The following CAST variants were observed in gnomAD, a reference collection of about 807,000 sequenced individuals.
The protein encoded by CAST is MIR583 host.
In CAST, 76 loss-of-function variants were observed where a neutral mutation model predicts 119.6. That is an observed-to-expected ratio of 0.64 (90% CI 0.53 to 0.77). The LOEUF is 0.77. Ranked by LOEUF, CAST falls within the 30% of genes least tolerant of loss-of-function variation. The pLI, the probability that CAST is intolerant of heterozygous loss-of-function variation, is 0.00. For missense variants in CAST, 953 were observed against 946.5 expected, an observed-to-expected ratio of 1.01 and a Z score of -0.09; for synonymous variants, 319 against 331.6, an observed-to-expected ratio of 0.96 and a Z score of 0.41.
chr5:96,520,565 A>ATG (rs777615254), upstream of CAST, among the ~76,000 whole-genome samples: 89 of 151,266 alleles, frequency 5.9e-4, 1 homozygote, highest in African/African-American at 2.0e-3. Flanking sequence ...CTAGGTGTGT[A>ATG]TGTGTGTGTG....
the CAST span, among the ~76,000 whole-genome samples, chr5:96,406,409 G>T: frequency 2.0e-5 from 3 of 152,144 alleles, no homozygotes; most frequent in Non-Finnish European, 4.4e-5. Flanking sequence ...TCTGAACATA[G>T]CTTTTCTGGA....
chr5:96,203,829 C>T, the CAST span, among the ~76,000 whole-genome samples: 1 of 151,926 alleles, frequency 6.6e-6, no homozygotes, highest in Non-Finnish European at 1.5e-5. Flanking sequence ...GGAGAAGTAC[C>T]TACGTTCCCC....
At chr5:96,428,078 A>G in the CAST span, among the ~76,000 whole-genome samples, 1 of 152,154 alleles carries the variant, frequency 6.6e-6, no homozygotes, top group African/African-American at 2.4e-5. Flanking sequence ...TGTTTCTTTT[A>G]CATTCGAACA....
chr5:96,613,338 AT>A (rs892444931), intron 1 of CAST, among the ~76,000 whole-genome samples: 1 of 152,144 alleles, frequency 6.6e-6, no homozygotes, highest in African/African-American at 2.4e-5. Flanking sequence ...TCATTTAAGT[AT>A]TCTCGAAGGT....
At chr5:96,113,682 T>C in the CAST span, among the ~76,000 whole-genome samples, 2 of 152,214 alleles carry the variant, frequency 1.3e-5, no homozygotes, top group Admixed American at 1.3e-4. Context: ...TGGCAGCTGG[T>C]TGTACACAGC....
chr5:96,545,345 T>C (rs1220771353), intron 1 of CAST: 1 of 152,198 alleles, frequency 6.6e-6, no homozygotes, highest in Non-Finnish European at 1.5e-5. Context: ...CCTATGGACA[T>C]AGCCTCATTG....
At chr5:96,501,122 T>G in the CAST span, among the ~76,000 whole-genome samples, 1 of 152,156 alleles carries the variant, frequency 6.6e-6, no homozygotes, top group Non-Finnish European at 1.5e-5. Context: ...TTCGGCAGAA[T>G]GGCCATATCT....
At chr5:96,098,380 A>G in the CAST span, among the ~76,000 whole-genome samples, 1 of 151,940 alleles carries the variant, frequency 6.6e-6, no homozygotes, top group Non-Finnish European at 1.5e-5. Context: ...AGTGTCTTTT[A>G]TCATGAAATC....
At chr5:96,477,306 G>GCACA in the CAST span, among the ~76,000 whole-genome samples, 4 of 145,286 alleles carry the variant, frequency 2.8e-5, no homozygotes, top group Non-Finnish European at 4.6e-5. Context: ...ACGCACGCGT[G>GCACA]CACACACACA....
chr5:96,242,494 C>T, the CAST span, among the ~76,000 whole-genome samples: 25 of 152,296 alleles, frequency 1.6e-4, no homozygotes, highest in Admixed American at 3.9e-4. Flanking sequence ...AGTGTGTTTG[C>T]TCTCTGCTGT....
At chr5:96,742,632 A>G (rs761659292) in intron 15 of CAST, 23 bp from the exon 16 acceptor site, 17 of 1,487,760 alleles carry the variant, frequency 1.1e-5, no homozygotes, top group East Asian at 6.8e-5. Context: ...TTTTTCATGC[A>G]CAGGATTTTT....
At chr5:96,196,668 A>G in the CAST span, among the ~76,000 whole-genome samples, 2 of 152,208 alleles carry the variant, frequency 1.3e-5, no homozygotes, top group Non-Finnish European at 2.9e-5. Flanking sequence ...ACAGTGAAGC[A>G]CCGTTACAAT....
At chr5:96,550,229 G>A (rs263381) in intron 1 of CAST, among the ~76,000 whole-genome samples, 78,386 of 152,034 alleles carry the variant, frequency 0.52, 20,443 homozygotes, top group Admixed American at 0.55. Flanking sequence ...AGGCAGAAAT[G>A]TTTGCTGTTC....
At chr5:96,280,209 C>A in the CAST span, among the ~76,000 whole-genome samples, 1,140 of 152,150 alleles carry the variant, frequency 7.5e-3, 14 homozygotes, top group African/African-American at 0.026. Context: ...TTTTAAATTA[C>A]CGTAAATTCA....
At chr5:96,542,331 C>T (rs930908030) in intron 1 of CAST, among the ~76,000 whole-genome samples, 50 of 123,262 alleles carry the variant, frequency 4.1e-4, no homozygotes, top group South Asian at 3.0e-3. Context: ...AAAGACAAAA[C>T]TATTTTTAGT....
At chr5:96,712,886 T>C (rs1315779086) in intron 3 of CAST, among the ~76,000 whole-genome samples, 1 of 152,170 alleles carries the variant, frequency 6.6e-6, no homozygotes, top group East Asian at 1.9e-4. Flanking sequence ...GCCAGGCCCA[T>C]CTCTCAGTCC....
At chr5:96,722,839 A>G in intron 4 of CAST, 141 bp downstream of exon 4, 1 of 666,442 alleles carries the variant, frequency 1.5e-6, no homozygotes, top group South Asian at 1.8e-5. Flanking sequence ...TTCCTAATTT[A>G]TGGGGGTCTT....
chr5:96,081,356 A>T, the CAST span, among the ~76,000 whole-genome samples: 4 of 152,230 alleles, frequency 2.6e-5, no homozygotes, highest in Admixed American at 1.3e-4. Flanking sequence ...ATCCAGGTGG[A>T]GAGACCTGAG....
At chr5:96,746,486 A>G in intron 17 of CAST, 61 bp downstream of exon 17, 1 of 937,732 alleles carries the variant, frequency 1.1e-6, no homozygotes, top group East Asian at 2.4e-5. Flanking sequence ...GTTTTGTTGT[A>G]TCTGTACCCT....
Sources: gnomAD v4.1 joint callset for allele counts (sites outside exome capture counted in the v4.1 genomes callset) on GRCh38, gnomAD v4.1.1 for gene constraint, MANE v1.5 for transcripts, NCBI Gene and HGNC (gene_info 2026-07-23, HGNC 2026-07-21) for gene names.